Variants in CSTPP1 observed in about 807,000 individuals in gnomAD.
CSTPP1 encodes UPF0705 protein C11orf49.
chr11:47,061,957 C>A, the CSTPP1 span, among the ~76,000 whole-genome samples: 1 of 152,076 alleles, frequency 6.6e-6, no homozygotes, highest in South Asian at 2.1e-4. Flanking sequence ...GGGGCTCTTA[C>A]GCAAGCATTC....
the CSTPP1 span, among the ~76,000 whole-genome samples, chr11:47,056,777 C>T: frequency 5.3e-5 from 8 of 152,142 alleles, no homozygotes; most frequent in Non-Finnish European, 7.3e-5. Flanking sequence ...AAACTCTTGG[C>T]GGCAAGGTTC....
the CSTPP1 span, among the ~76,000 whole-genome samples, chr11:47,107,995 G>GCA: frequency 2.6e-5 from 4 of 152,140 alleles, no homozygotes; most frequent in African/African-American, 4.8e-5. Context: ...GCGCATGTGC[G>GCA]CACACACACA....
the CSTPP1 span, among the ~76,000 whole-genome samples, chr11:46,975,125 AAGTT>A: frequency 6.6e-6 from 1 of 151,794 alleles, no homozygotes; most frequent in Non-Finnish European, 1.5e-5. Flanking sequence ...AAAAATTTAA[AAGTT>A]AGCCAGGCAT....
the CSTPP1 span, among the ~76,000 whole-genome samples, chr11:47,035,629 T>C: frequency 6.6e-6 from 1 of 152,228 alleles, no homozygotes; most frequent in African/African-American, 2.4e-5. Flanking sequence ...CTCTCCACTA[T>C]GAATGGCACC....
chr11:47,038,474 C>G, the CSTPP1 span, among the ~76,000 whole-genome samples: 5 of 108,356 alleles, frequency 4.6e-5, no homozygotes, highest in Admixed American at 9.4e-5. Flanking sequence ...CCACCTCCCT[C>G]CCGGACGGGG....
At chr11:47,035,159 T>G in the CSTPP1 span, among the ~76,000 whole-genome samples, 1 of 152,252 alleles carries the variant, frequency 6.6e-6, no homozygotes, top group South Asian at 2.1e-4. Context: ...GAATTTCCTT[T>G]GTTTATAATT....
chr11:47,000,370 A>G, the CSTPP1 span, among the ~76,000 whole-genome samples: 42 of 152,230 alleles, frequency 2.8e-4, no homozygotes, highest in African/African-American at 9.9e-4. Context: ...CATTCTTCAC[A>G]GGCTAAATTG....
chr11:47,018,529 G>A, the CSTPP1 span, among the ~76,000 whole-genome samples: 5 of 151,934 alleles, frequency 3.3e-5, no homozygotes, highest in East Asian at 1.9e-4. Context: ...TCCTGACCTC[G>A]TGATCCACCT....
chr11:47,055,364 CCCTT>C, the CSTPP1 span, among the ~76,000 whole-genome samples: 5 of 138,306 alleles, frequency 3.6e-5, no homozygotes, highest in African/African-American at 1.3e-4. Context: ...TCCCTCCCCT[CCCTT>C]CCTTCCTTCC....
At chr11:47,060,893 G>A in the CSTPP1 span, among the ~76,000 whole-genome samples, 14 of 152,162 alleles carry the variant, frequency 9.2e-5, no homozygotes, top group African/African-American at 3.4e-4. Flanking sequence ...TGTAAGGCAG[G>A]TAAAAGTGAA....
At chr11:47,163,942 G>A in the CSTPP1 span, 29 of 871,288 alleles carry the variant, frequency 3.3e-5, no homozygotes, top group African/African-American at 1.7e-4. Context: ...CACTGTACCC[G>A]GCGTTAAATA....
chr11:47,021,818 A>C, the CSTPP1 span, among the ~76,000 whole-genome samples: 1 of 152,194 alleles, frequency 6.6e-6, no homozygotes, highest in East Asian at 1.9e-4. Context: ...CTTCTTAACA[A>C]TATTATTATT....
At chr11:46,963,317 G>A in the CSTPP1 span, among the ~76,000 whole-genome samples, 3 of 141,898 alleles carry the variant, frequency 2.1e-5, no homozygotes, top group Admixed American at 7.0e-5. Flanking sequence ...TTTAGTTTTA[G>A]TTTTAGCTTT....
chr11:47,117,877 CTTTTTTTT>C, the CSTPP1 span, among the ~76,000 whole-genome samples: 6 of 66,370 alleles, frequency 9.0e-5, no homozygotes, highest in African/African-American at 3.1e-4. Flanking sequence ...TATTTCTTTT[CTTTTTTTT>C]TTTTTTTTTT....
chr11:47,126,023 A>C, the CSTPP1 span, among the ~76,000 whole-genome samples: 7 of 152,136 alleles, frequency 4.6e-5, no homozygotes, highest in Non-Finnish European at 1.0e-4. Flanking sequence ...TCTCAAAAAA[A>C]AAAAAAAGTG....
At chr11:47,066,096 T>TG in the CSTPP1 span, among the ~76,000 whole-genome samples, 2,508 of 15,940 alleles carry the variant, frequency 0.16, 13 homozygotes, top group Non-Finnish European at 0.28. Flanking sequence ...CTTGTGGGTT[T>TG]TTTTTTTTTT....
the CSTPP1 span, among the ~76,000 whole-genome samples, chr11:47,062,510 G>C: frequency 0.67 from 101,834 of 152,044 alleles, 34,632 homozygotes; most frequent in African/African-American, 0.73. Flanking sequence ...AGGTACTAAA[G>C]TTCATGTTTA....
At chr11:47,051,172 G>A in the CSTPP1 span, among the ~76,000 whole-genome samples, 1 of 151,762 alleles carries the variant, frequency 6.6e-6, no homozygotes, top group African/African-American at 2.4e-5. Flanking sequence ...TCCCCCCATT[G>A]CTTGCCATCT....
chr11:46,992,172 A>C, the CSTPP1 span, among the ~76,000 whole-genome samples: 7 of 151,928 alleles, frequency 4.6e-5, no homozygotes, highest in African/African-American at 1.7e-4. Flanking sequence ...CTACTCTTCT[A>C]GATTTTGTTA....
Sources: allele counts gnomAD v4.1 joint callset (sites outside exome capture counted in the v4.1 genomes callset), GRCh38; gene constraint gnomAD v4.1.1; transcripts MANE v1.5; gene names NCBI Gene and HGNC (gene_info 2026-07-23, HGNC 2026-07-21).